The following PCDHGA6 variants were observed in gnomAD, a reference collection of about 807,000 sequenced individuals.
The protein encoded by PCDHGA6 is protocadherin gamma-A6.
Under a neutral mutation model 60.6 loss-of-function variants are expected in PCDHGA6, and 41 were observed. That is an observed-to-expected ratio of 0.68 (90% CI 0.53 to 0.88). The LOEUF (loss-of-function observed/expected upper bound fraction) is 0.88. PCDHGA6 is among the 40% of genes least tolerant of loss of function. The pLI, the probability that PCDHGA6 is intolerant of heterozygous loss-of-function variation, is 0.00. For missense variants in PCDHGA6, 1,312 were observed against 1,203.0 expected (o/e 1.09, Z -1.34); for synonymous variants, 594 against 524.4 (o/e 1.13, Z -1.81).
chr5:141,436,962 C>A (rs1462988296), intron 1 of PCDHGA6, among the ~76,000 whole-genome samples: 1 of 152,144 alleles, frequency 6.6e-6, no homozygotes, highest in Non-Finnish European at 1.5e-5. Context: ...AAACAAGGAT[C>A]TTGTGAAACT....
At chr5:141,407,602 G>A (rs1395597779) in intron 1 of PCDHGA6, among the ~76,000 whole-genome samples, 2 of 152,064 alleles carry the variant, frequency 1.3e-5, no homozygotes, top group Non-Finnish European at 2.9e-5. Context: ...ATCTTAAAAA[G>A]AAGCATTGGT....
intron 1 of PCDHGA6, among the ~76,000 whole-genome samples, chr5:141,448,001 G>A (rs143950707): frequency 0.046 from 7,030 of 151,928 alleles, 245 homozygotes; most frequent in African/African-American, 0.093. Context: ...CATGAGAATC[G>A]CTTGAACCCA....
intron 1 of PCDHGA6, among the ~76,000 whole-genome samples, chr5:141,445,180 GT>G (rs745433969): frequency 6.6e-6 from 1 of 152,148 alleles, no homozygotes; most frequent in Non-Finnish European, 1.5e-5. Flanking sequence ...GAAAAACTAT[GT>G]TTTTATGTAT....
chr5:141,374,106 C>T lies in PCDHGA6; in HGVS notation c.23C>T (p.Pro8Leu), dbSNP rs377211748. 17 of 1,572,446 alleles carry T rather than the reference C, an allele frequency of 1.1e-5. No homozygotes were observed. The highest frequency in any genetic ancestry group is 3.5e-5 in the South Asian group (3 of 85,970). Residue 8 changes from proline (P) to leucine (L), a missense_variant, in exon 1 of 4, where the codon CCG becomes CTG. By Grantham distance (98) the Pro-to-Leu change is moderately conservative. Transcript: ENST00000517434. ...GTAATGGCGCCTCCGCAGAGGCATC[C>T]GCAGCGCAGCGAGCAGGTCCTGCTC... MAPPQRH[P>L]QRSEQVLLLT...
At chr5:141,384,368 C>A (rs748304499) in intron 1 of PCDHGA6, 3 of 1,613,790 alleles carry the variant, frequency 1.9e-6, no homozygotes, top group Non-Finnish European at 2.5e-6. Flanking sequence ...ATCACTTATT[C>A]CTTGGCCGAA....
intron 1 of PCDHGA6, chr5:141,433,139 T>G: frequency 6.2e-7 from 1 of 1,614,068 alleles, no homozygotes; most frequent in Non-Finnish European, 8.5e-7. Context: ...CCTTTTGCTG[T>G]CAGGTGATTC....
rs762655024 is a variant in PCDHGA6 at position 141,374,514 on chromosome 5, A to G, written c.431A>G (p.Glu144Gly). 3.7e-6 allele frequency: 6 copies of G among 1,612,112 alleles called. No individual in the cohort carries two copies. Among genetic ancestry groups the G allele is most frequent in the Non-Finnish European group, 4.2e-6 (5 of 1,178,300 alleles). The change falls in exon 1 of 4, where the codon GAA becomes GGA. Residue 144 changes from glutamate (E) to glycine (G), a missense_variant. Transcript: ENST00000517434. ...GAAGAATTGGAAGTGAAAATTCTCG[A>G]AAACGCAGCTCCATCCTCTCGTTTT... The part of the protein sequence containing the change: ...LKEELEVKIL[E>G]NAAPSSRFPL...
At chr5:141,506,787 G>A (rs55775963) in intron 3 of PCDHGA6, among the ~76,000 whole-genome samples, 1,925 of 152,270 alleles carry the variant, frequency 0.013, 43 homozygotes, top group African/African-American at 0.044. Flanking sequence ...CTTATAAGGA[G>A]GCTGGCAGAG....
chr5:141,414,310 G>C, intron 1 of PCDHGA6: 1 of 1,613,722 alleles, frequency 6.2e-7, no homozygotes, highest in Non-Finnish European at 8.5e-7. Context: ...GCATGATTTA[G>C]ACTCTGAGCA....
At chr5:141,419,556 C>A (rs202164819) in intron 1 of PCDHGA6, 227 of 1,611,892 alleles carry the variant, frequency 1.4e-4, no homozygotes, top group Non-Finnish European at 8.6e-5. Context: ...CTGTACCCTG[C>A]GCTGGGTCCC....
intron 1 of PCDHGA6, chr5:141,423,165 C>G: frequency 6.2e-7 from 1 of 1,613,434 alleles, no homozygotes; most frequent in Non-Finnish European, 8.5e-7. Context: ...TCGTGGTGGC[C>G]GTCCAGGACC....
chr5:141,465,502 G>A (rs948827391), intron 1 of PCDHGA6, among the ~76,000 whole-genome samples: 6 of 152,268 alleles, frequency 3.9e-5, no homozygotes, highest in Admixed American at 2.0e-4. Context: ...GAGCATTGTC[G>A]TGGTCAGGAA....
At chr5:141,414,400 G>C (rs768269499) in intron 1 of PCDHGA6, 1 of 1,613,878 alleles carries the variant, frequency 6.2e-7, no homozygotes, top group Admixed American at 1.7e-5. Context: ...TTACAGATTG[G>C]TGATACACAG....
At chr5:141,378,415 C>G (rs62378442) in intron 1 of PCDHGA6, 5,215 of 152,332 alleles carry the variant, frequency 0.034, 104 homozygotes, top group Middle Eastern at 0.088. Context: ...CGCAGCTACT[C>G]GGGAGGCTGA....
intron 3 of PCDHGA6, among the ~76,000 whole-genome samples, chr5:141,505,999 G>A (rs891447053): frequency 1.3e-5 from 2 of 152,172 alleles, no homozygotes; most frequent in African/African-American, 4.8e-5. Flanking sequence ...TTTATGCGAG[G>A]CTCCTCTTTT....
intron 1 of PCDHGA6, among the ~76,000 whole-genome samples, chr5:141,462,105 G>A (rs2099031983): frequency 6.6e-6 from 1 of 152,170 alleles, no homozygotes; most frequent in South Asian, 2.1e-4. Flanking sequence ...TTACAGGCAT[G>A]AGCCACTGCA....
chr5:141,427,822 T>C (rs1446832816), intron 1 of PCDHGA6: 1 of 1,534,220 alleles, frequency 6.5e-7, no homozygotes, highest in Non-Finnish European at 8.9e-7. Flanking sequence ...GGGGTGGTGG[T>C]CGCGCAGCGT....
chr5:141,460,950 T>C (rs1458616371), intron 1 of PCDHGA6, among the ~76,000 whole-genome samples: 1 of 135,948 alleles, frequency 7.4e-6, no homozygotes, highest in East Asian at 2.0e-4. Flanking sequence ...ATATGTATTA[T>C]GTATATATAT....
chr5:141,382,171 G>A (rs1325332399), intron 1 of PCDHGA6, among the ~76,000 whole-genome samples: 3 of 151,984 alleles, frequency 2.0e-5, no homozygotes, highest in East Asian at 3.8e-4. Flanking sequence ...GTGTTAGACC[G>A]TCTCTAAGGT....
Sources: gnomAD v4.1 joint callset for allele counts (sites outside exome capture counted in the v4.1 genomes callset) on GRCh38, gnomAD v4.1.1 for gene constraint, MANE v1.5 for transcripts, NCBI Gene and HGNC (gene_info 2026-07-23, HGNC 2026-07-21) for gene names.